Variants in USH2A observed in about 807,000 individuals in gnomAD.
USH2A encodes the protein Usher syndrome 2A (autosomal recessive, mild).
In USH2A, 443 loss-of-function variants were observed where a neutral mutation model predicts 538.9. The observed-to-expected ratio is 0.82, with a 90% CI of 0.76 to 0.89. The LOEUF (loss-of-function observed/expected upper bound fraction) is 0.89. USH2A is among the 40% of genes least tolerant of loss of function. The pLI, the probability that USH2A is intolerant of heterozygous loss-of-function variation, is 0.00. For missense variants in USH2A, 6,633 were observed against 6,324.8 expected (o/e 1.05, Z -1.65); for synonymous variants, 2,413 against 2,273.5 (o/e 1.06, Z -1.75).
At chr1:216,161,546 A>G (rs967503698) in intron 21 of USH2A, among the ~76,000 whole-genome samples, 1 of 152,092 alleles carries the variant, frequency 6.6e-6, no homozygotes, top group Non-Finnish European at 1.5e-5. Context: ...ACTTCAAAGT[A>G]TGATTTTTAT....
intron 21 of USH2A, among the ~76,000 whole-genome samples, chr1:216,150,868 C>T (rs981849447): frequency 1.9e-4 from 29 of 152,272 alleles, no homozygotes; most frequent in African/African-American, 6.0e-4. Context: ...TCTTCATCTC[C>T]GAAGTCCAAC....
chr1:216,298,899 G>C (rs966875573), intron 9 of USH2A, among the ~76,000 whole-genome samples: 38 of 151,580 alleles, frequency 2.5e-4, no homozygotes, highest in African/African-American at 8.7e-4. Flanking sequence ...GGAGTGCAGT[G>C]GCGCAATCTT....
At position 216,078,301 on chromosome 1, in the gene USH2A, A is replaced by G. The variant is rs2031823831; in HGVS notation, c.5360T>C (p.Val1787Ala). 1 of 1,613,612 alleles carries G rather than the reference A, an allele frequency of 6.2e-7. No homozygotes were observed. Among genetic ancestry groups the G allele is most frequent in the African/African-American group, 1.3e-5 (1 of 74,904 alleles). ...RLNTSLAFTQVDLLLGLSYCN... is the reference protein window; with the variant it reads ...RLNTSLAFTQADLLLGLSYCN... ...ATAGGATAGCCCCAGCAATAGATCC[A>G]CTTGTGTAAAGGCAAGACTGGTATT... Residue 1787 changes from valine to alanine, a missense_variant, in exon 27 of 72, where the codon GTG (valine) becomes GCG (alanine). Val to Ala is a moderately conservative substitution (Grantham distance 64). Transcript: ENST00000307340.
At chr1:216,007,968 C>T (rs953428961) in intron 32 of USH2A, among the ~76,000 whole-genome samples, 1 of 152,170 alleles carries the variant, frequency 6.6e-6, no homozygotes, top group Non-Finnish European at 1.5e-5. Context: ...TTTATGAATG[C>T]CACATACTCA....
At chr1:216,130,634 A>T (rs968113709) in intron 21 of USH2A, among the ~76,000 whole-genome samples, 11 of 146,802 alleles carry the variant, frequency 7.5e-5, no homozygotes, top group African/African-American at 2.5e-4. Context: ...ATATATCTAT[A>T]CTATACATAT....
intron 61 of USH2A, among the ~76,000 whole-genome samples, chr1:215,684,284 G>C (rs1394027459): frequency 1.3e-5 from 2 of 152,186 alleles, no homozygotes; most frequent in African/African-American, 4.8e-5. Flanking sequence ...GTCTTCAGCA[G>C]TCTGACAATT....
rs926377709 is a variant in USH2A at position 215,965,449 on chromosome 1, C to T, written c.6988G>A (p.Glu2330Lys). The change falls in exon 37 of 72, where the codon GAA becomes AAA. Residue 2330 changes from glutamate to lysine, a missense_variant. By Grantham distance (56) the Glu-to-Lys change is moderately conservative. Transcript: ENST00000307340. ...TTGACAAACACATTTACTGTTCCTT[C>T]AGGAGGAGCTTCTAGAGTTCGATTT... is the stretch of plus-strand genomic sequence containing the variant. ...VENRTLEAPP[E>K]GTVNVFVKTQ... The T allele has an allele frequency of 9.3e-6, 15 of 1,613,572 alleles. No individual in the cohort carries two copies. Among genetic ancestry groups the T allele is most frequent in the Admixed American group, 3.3e-5 (2 of 59,942 alleles).
chr1:216,376,202 C>T (rs930082400), intron 3 of USH2A, among the ~76,000 whole-genome samples: 4 of 152,144 alleles, frequency 2.6e-5, no homozygotes, highest in African/African-American at 9.6e-5. Flanking sequence ...TGCCATAAAC[C>T]TTCACTTTGT....
At chr1:216,116,835 A>T (rs1376203220) in intron 21 of USH2A, among the ~76,000 whole-genome samples, 1 of 152,080 alleles carries the variant, frequency 6.6e-6, no homozygotes, top group Non-Finnish European at 1.5e-5. Context: ...CAGAAGGAAA[A>T]AAAAAGCTAA....
intron 44 of USH2A, among the ~76,000 whole-genome samples, chr1:215,851,674 C>T (rs934733622): frequency 6.6e-6 from 1 of 152,028 alleles, no homozygotes; most frequent in Non-Finnish European, 1.5e-5. Context: ...AAGAAACACT[C>T]CTTACATCAT....
rs1655898457 is a variant in USH2A, at chr1:215,623,864, C to T, written c.*1917G>A. The T allele has an allele frequency of 6.6e-6, 1 of 152,118 alleles. No homozygotes were observed. The highest frequency in any genetic ancestry group is 2.4e-5 in the African/African-American group (1 of 41,442). The allele number at this position is 152,118 out of a possible 1,614,324, so 9.4% of individuals were successfully genotyped here. ...ACTCAATCTTCTGAACCTAGCAAAG[C>T]ATATTTGTAGACTATTCTTTGTGAC... On this transcript the variant is annotated 3_prime_UTR_variant, in exon 72 of 72. Transcript: ENST00000307340.
intron 21 of USH2A, among the ~76,000 whole-genome samples, chr1:216,111,937 G>T (rs1226030293): frequency 6.6e-6 from 1 of 151,486 alleles, no homozygotes; most frequent in Non-Finnish European, 1.5e-5. Flanking sequence ...GAATGTAAAA[G>T]TTCATTTTCA....
chr1:216,363,744 T>C (rs2038540371), intron 4 of USH2A, among the ~76,000 whole-genome samples: 1 of 152,118 alleles, frequency 6.6e-6, no homozygotes, highest in East Asian at 1.9e-4. Context: ...TTGCATAGAA[T>C]ACAGCCATTT....
chr1:216,070,255 G>C lies in USH2A; in HGVS notation c.5895C>G (p.Ser1965Arg), dbSNP rs750617501. Residue 1965 changes from serine (S) to arginine (R), a missense_variant, in exon 30 of 72, where the codon AGC becomes AGG. By Grantham distance (110) the Ser-to-Arg change is moderately radical (BLOSUM62 -1). Coordinates refer to ENST00000307340, the MANE Select transcript of USH2A (RefSeq NM_206933.4). ...QSVPTPSRVR[S>R]LNGYSIEVTW... is the part of the protein sequence containing the mutation. ...TCACCTCAATGCTGTATCCATTTAA[G>C]CTGCGGACTCTTGAGGGAGTTGGCA... 1 of 1,614,010 alleles carries C rather than the reference G, an allele frequency of 6.2e-7. No individual in the cohort carries two copies. Among genetic ancestry groups the C allele is most frequent in the Non-Finnish European group, 8.5e-7 (1 of 1,179,912 alleles).
chr1:215,780,945 A>G (rs1661617256), intron 54 of USH2A, among the ~76,000 whole-genome samples: 1 of 152,238 alleles, frequency 6.6e-6, no homozygotes, highest in African/African-American at 2.4e-5. Context: ...AAGCATATGA[A>G]AAGAATCAGA....
At chr1:215,976,683 T>C (rs1258018660) in intron 35 of USH2A, among the ~76,000 whole-genome samples, 5 of 152,228 alleles carry the variant, frequency 3.3e-5, no homozygotes, top group African/African-American at 1.2e-4. Flanking sequence ...TAGCCAAACT[T>C]GGCATCCTAG....
chr1:216,000,268 A>T, intron 33 of USH2A, 135 bp downstream of exon 33: 2 of 1,242,654 alleles, frequency 1.6e-6, no homozygotes. Context: ...AAAGGTTCCC[A>T]GATCCACTGA....
rs191780217 is a variant in USH2A, at chr1:216,007,421, T to A, written c.6326-6859A>T. On this transcript the variant is annotated intron_variant, in intron 32 of 71. Coordinates refer to ENST00000307340, the MANE Select transcript of USH2A (RefSeq NM_206933.4). ...AGAAGGAAGACTCTGTTCCCTCAGA[T>A]ATAATGTTGGGAGAAATAGGAAGTA... Among the ~76,000 whole-genome samples the A allele has an allele frequency of 8.3e-4, 126 of 152,106 alleles. 4 individuals carry two copies. Among genetic ancestry groups the A allele is most frequent in the Admixed American group, 7.1e-3 (108 of 15,300 alleles).
At chr1:216,095,501 A>T (rs1571956812) in intron 22 of USH2A, among the ~76,000 whole-genome samples, 1 of 152,038 alleles carries the variant, frequency 6.6e-6, no homozygotes, top group East Asian at 1.9e-4. Context: ...TGGCTGCAGG[A>T]TCTGCTTAGG....
Sources: gnomAD v4.1 joint callset for allele counts (sites outside exome capture counted in the v4.1 genomes callset) on GRCh38, gnomAD v4.1.1 for gene constraint, MANE v1.5 for transcripts, NCBI Gene and HGNC (gene_info 2026-07-23, HGNC 2026-07-21) for gene names.